Variants in AMZ1 observed in about 807,000 individuals in gnomAD.
AMZ1 encodes archaelysin family metallopeptidase 1.
In AMZ1, 39 loss-of-function variants were observed where a neutral mutation model predicts 29.9. The ratio of observed to expected loss-of-function variants is 1.30; its 90% confidence interval spans 1.01 to 1.70. The LOEUF (loss-of-function observed/expected upper bound fraction) is 1.70. Among genes scored for constraint, AMZ1 ranks in the 40% most tolerant of loss-of-function variants. The pLI, the probability that AMZ1 is intolerant of heterozygous loss-of-function variation, is 0.00. For synonymous variants in AMZ1, 458 were observed against 304.0 expected, an observed-to-expected ratio of 1.51 and a Z score of -5.27; for missense variants, 1,041 against 680.6, an observed-to-expected ratio of 1.53 and a Z score of -5.89.
At chr7:2,704,605 TTTTTTTTTTA>T (rs1397701794) in intron 3 of AMZ1, among the ~76,000 whole-genome samples, 6 of 130,474 alleles carry the variant, frequency 4.6e-5, no homozygotes, top group East Asian at 4.2e-4. Flanking sequence ...TTTTTTTTTT[TTTTTTTTTTA>T]AGACGGAGTC....
In AMZ1 at chr7:2,753,845, C is replaced by T. The variant is rs189970666; in HGVS notation, n.551-10867C>T. ...TGGGATATCTTTTTCTTCTGGGCAA[C>T]CTCCTCTTCTGGTTTAGGAACAATC... On this transcript the variant is annotated intron_variant and non_coding_transcript_variant, in intron 4 of 4. Transcript: ENST00000489665. Among the ~76,000 whole-genome samples, 31 of 152,216 alleles carry T rather than the reference C, an allele frequency of 2.0e-4. 1 individual carries two copies. The East Asian group carries it at 5.4e-3, about 27-fold the overall frequency.
At chr7:2,761,048 A>G (rs1791530254), upstream of AMZ1, among the ~76,000 whole-genome samples, 1 of 152,242 alleles carries the variant, frequency 6.6e-6, no homozygotes, top group South Asian at 2.1e-4. Flanking sequence ...AAACAATGAC[A>G]TGTAAACGGA....
intron 4 of AMZ1, among the ~76,000 whole-genome samples, chr7:2,736,656 G>A (rs1790193956): frequency 6.6e-6 from 1 of 152,236 alleles, no homozygotes; most frequent in African/African-American, 2.4e-5. Flanking sequence ...CGCCCATGAG[G>A]AGACCGCCTT....
chr7:2,696,422 A>G (rs1787738390), intron 1 of AMZ1, among the ~76,000 whole-genome samples: 1 of 150,334 alleles, frequency 6.7e-6, no homozygotes, highest in South Asian at 2.1e-4. Context: ...ACGCCTGGCT[A>G]ATTTTTTTGT....
chr7:2,689,142 C>A (rs527538666), intron 1 of AMZ1, among the ~76,000 whole-genome samples: 1 of 152,230 alleles, frequency 6.6e-6, no homozygotes, highest in African/African-American at 2.4e-5. Context: ...TGAAGGTCTC[C>A]GCTGTCAGCT....
chr7:2,700,798 G>C lies in AMZ1; in HGVS notation c.304+43G>C, dbSNP rs758083347. On this transcript the variant is annotated intron_variant, in intron 2 of 6. Coordinates refer to ENST00000683327, the MANE Select transcript of AMZ1 (RefSeq NM_001384743.1). ...CCATCGGCACGCTCCTGGGGGACCA[G>C]CTTATATATAGCACAAGTGGGGGAT... 9.4e-6 allele frequency: 15 copies of C among 1,590,714 alleles called. No homozygotes were observed. The Admixed American group carries it at 2.4e-4, about 25-fold the overall frequency.
intron 4 of AMZ1, among the ~76,000 whole-genome samples, chr7:2,741,040 G>C (rs1034835984): frequency 6.8e-6 from 1 of 147,424 alleles, no homozygotes; most frequent in Non-Finnish European, 1.5e-5. Flanking sequence ...GCGAGACTCC[G>C]TCTCAAAACA....
rs1181313745 is a variant in AMZ1 at position 2,713,462 on chromosome 7, C to G, written c.*584C>G. The G allele has an allele frequency of 6.5e-6, 1 of 152,712 alleles. No homozygotes were observed. Among genetic ancestry groups the G allele is most frequent in the Non-Finnish European group, 1.5e-5 (1 of 68,312 alleles). The allele number at this position is 152,712 out of a possible 1,614,324, so 9.5% of individuals were successfully genotyped here. On this transcript the variant is annotated 3_prime_UTR_variant, in exon 7 of 7. Transcript: ENST00000683327. ...GAAGCAGCGTGCGTCCTGTCTCCTTCCAGGCTGTGGGCCTGCCCTTCAGTT... is the reference window on the plus strand; with the variant it reads ...GAAGCAGCGTGCGTCCTGTCTCCTTGCAGGCTGTGGGCCTGCCCTTCAGTT...
chr7:2,726,935 G>C (rs765540328), intron 4 of AMZ1, among the ~76,000 whole-genome samples: 1 of 152,242 alleles, frequency 6.6e-6, no homozygotes, highest in African/African-American at 2.4e-5. Flanking sequence ...CTGGTCTCCA[G>C]AGCACGTCAA....
intron 6 of AMZ1, among the ~76,000 whole-genome samples, chr7:2,710,527 G>A (rs142756845): frequency 1.5e-3 from 234 of 152,248 alleles, no homozygotes; most frequent in Middle Eastern, 3.4e-3. Flanking sequence ...TGTGGTTCCC[G>A]GACCGAGCCT....
At chr7:2,722,605 A>G (rs114708613), downstream of AMZ1, among the ~76,000 whole-genome samples, 3,450 of 152,312 alleles carry the variant, frequency 0.023, 153 homozygotes, top group African/African-American at 0.078. Context: ...AATTTGCCTG[A>G]CAGGTCAAAA....
At position 2,737,269 on chromosome 7, in the gene AMZ1, G is replaced by GTTTTTTTTT. The variant is rs1317020597; in HGVS notation, n.551-27439_551-27438insTTTTTTTTT. On this transcript the variant is annotated intron_variant and non_coding_transcript_variant, in intron 4 of 4. Coordinates refer to the AMZ1 transcript ENST00000489665. Reference sequence around the variant, plus strand: ...CATTCAGGAGCTATCTCACAGTTTTGTTTTGTTTTTTTTTTTTTTGTTTTT... The same window carrying GTTTTTTTTT: ...CATTCAGGAGCTATCTCACAGTTTTGTTTTTTTTTTTTTGTTTTTTTTTTTTTTGTTTTT... Among the ~76,000 whole-genome samples, 76 of 38,114 alleles carry GTTTTTTTTT rather than the reference G, an allele frequency of 2.0e-3. 8 individuals are homozygous for GTTTTTTTTT. The highest frequency in any genetic ancestry group is 4.0e-3 in the East Asian group (4 of 1,004). The allele number at this position is 38,114 out of a possible 152,430, so 25.0% of individuals were successfully genotyped here.
chr7:2,699,259 C>T (rs902936531), intron 1 of AMZ1, among the ~76,000 whole-genome samples: 8 of 152,152 alleles, frequency 5.3e-5, no homozygotes, highest in African/African-American at 1.7e-4. Context: ...AGGCGTGTTC[C>T]TAAGTGTGGG....
At chr7:2,745,736 A>G (rs1790733705) in intron 4 of AMZ1, among the ~76,000 whole-genome samples, 2 of 152,250 alleles carry the variant, frequency 1.3e-5, no homozygotes, top group Admixed American at 6.5e-5. Context: ...AATTGGATAA[A>G]GAGTCAAGAC....
chr7:2,758,156 A>T (rs1465357183), intron 4 of AMZ1, among the ~76,000 whole-genome samples: 1 of 152,170 alleles, frequency 6.6e-6, no homozygotes, highest in Non-Finnish European at 1.5e-5. Context: ...ACAAAGACAA[A>T]AACCCAAAAA....
intron 4 of AMZ1, among the ~76,000 whole-genome samples, chr7:2,745,930 T>C (rs1197208766): frequency 6.6e-6 from 1 of 152,108 alleles, no homozygotes; most frequent in Non-Finnish European, 1.5e-5. Flanking sequence ...AGAAGGCCAT[T>C]ACATAATGGT....
chr7:2,727,080 CTTTA>C (rs968555745), intron 4 of AMZ1, among the ~76,000 whole-genome samples: 15 of 152,248 alleles, frequency 9.9e-5, no homozygotes, highest in African/African-American at 2.2e-4. Context: ...TGGAACACAA[CTTTA>C]TTTATTTACT....
At chr7:2,728,490 T>TA (rs1309085519) in intron 4 of AMZ1, 4 of 152,414 alleles carry the variant, frequency 2.6e-5, no homozygotes, top group African/African-American at 4.8e-5. Context: ...ACATAAGAGT[T>TA]AAAAATAGAT....
chr7:2,703,582 T>A (rs1423373071), intron 3 of AMZ1, among the ~76,000 whole-genome samples: 1 of 152,078 alleles, frequency 6.6e-6, no homozygotes, highest in Non-Finnish European at 1.5e-5. Context: ...TGAGGCAGGG[T>A]TGAGAGGCAG....
Sources: gnomAD v4.1 joint callset for allele counts (sites outside exome capture counted in the v4.1 genomes callset) on GRCh38, gnomAD v4.1.1 for gene constraint, MANE v1.5 for transcripts, NCBI Gene and HGNC (gene_info 2026-07-23, HGNC 2026-07-21) for gene names.